Variants in HLCS observed in about 807,000 individuals in gnomAD.
HLCS encodes holocarboxylase synthetase, also known as biotin--protein ligase.
HLCS carries 53 observed loss-of-function variants against 75.0 expected under a neutral mutation model. That is an observed-to-expected ratio of 0.71 (90% CI 0.57 to 0.89). HLCS has a LOEUF of 0.89. Ranked by LOEUF, HLCS falls within the 40% of genes least tolerant of loss-of-function variation. HLCS has a pLI of 0.00. For missense variants in HLCS, 966 were observed against 1,074.0 expected (o/e 0.90, Z 1.41); for synonymous variants, 431 against 428.6 (o/e 1.01, Z -0.07).
At chr21:36,924,474 C>A (rs934091640) in intron 5 of HLCS, among the ~76,000 whole-genome samples, 3 of 152,108 alleles carry the variant, frequency 2.0e-5, no homozygotes, top group Admixed American at 2.0e-4. Context: ...GCAGGAGAAT[C>A]GCTTGAACCC....
At chr21:36,761,460 G>C (rs1601123416) in intron 8 of HLCS, among the ~76,000 whole-genome samples, 1 of 152,052 alleles carries the variant, frequency 6.6e-6, no homozygotes, top group African/African-American at 2.4e-5. Flanking sequence ...AACCAAGCAT[G>C]GGGGGTGCGC....
intron 6 of HLCS, among the ~76,000 whole-genome samples, chr21:36,781,495 C>T (rs1434703914): frequency 6.6e-6 from 1 of 152,026 alleles, no homozygotes; most frequent in Admixed American, 6.6e-5. Context: ...TTATTTGTTG[C>T]TATTATGAAT....
At chr21:36,953,681 G>A (rs2067776983) in intron 2 of HLCS, among the ~76,000 whole-genome samples, 1 of 152,050 alleles carries the variant, frequency 6.6e-6, no homozygotes, top group South Asian at 2.1e-4. Context: ...ATGCTAAAAA[G>A]GAACCTGAAC....
rs1479127824 is a variant in HLCS at position 36,936,536 on chromosome 21, G to A, written c.1350C>T (p.Leu450=). ...TGTCCTCATTCTCCAGGTGGCCCTG[G>A]AGCCTGCCGGGGCTGAGCCGGACGG... ...EGPVRLSPGR[L]QGHLENEDKD... Residue 450 remains leucine (L), a synonymous_variant, in exon 4 of 11, where the codon CTC becomes CTT. Transcript: ENST00000674895. The A allele has an allele frequency of 6.2e-7, 1 of 1,614,174 alleles. No individual in the cohort carries two copies. The highest frequency in any genetic ancestry group is 2.2e-5 in the East Asian group (1 of 44,884).
chr21:36,841,752 G>A (rs1317222715), intron 6 of HLCS, among the ~76,000 whole-genome samples: 1 of 152,240 alleles, frequency 6.6e-6, no homozygotes, highest in Non-Finnish European at 1.5e-5. Flanking sequence ...TAAGACGTGA[G>A]CTATGTTCCT....
chr21:36,888,805 C>T (rs1376742855), intron 6 of HLCS, among the ~76,000 whole-genome samples: 2 of 151,954 alleles, frequency 1.3e-5, no homozygotes. Flanking sequence ...GGTCACAGAG[C>T]TAGTGAATGA....
intron 6 of HLCS, among the ~76,000 whole-genome samples, chr21:36,816,099 T>A (rs766013176): frequency 6.6e-5 from 10 of 152,170 alleles, no homozygotes; most frequent in Non-Finnish European, 1.0e-4. Context: ...TCAGACTACT[T>A]GTGCTGAATT....
At chr21:36,833,188 A>T (rs547448661) in intron 6 of HLCS, among the ~76,000 whole-genome samples, 44 of 146,722 alleles carry the variant, frequency 3.0e-4, no homozygotes, top group African/African-American at 1.0e-3. Context: ...GCCTAGCTAA[A>T]TTTTTTTTTT....
At chr21:36,832,603 T>C (rs558865680) in intron 6 of HLCS, among the ~76,000 whole-genome samples, 4 of 152,274 alleles carry the variant, frequency 2.6e-5, no homozygotes, top group South Asian at 2.1e-4. Context: ...ACTTTACAGA[T>C]AGGGAAAATA....
intron 4 of HLCS, among the ~76,000 whole-genome samples, chr21:36,934,167 C>G (rs368151853): frequency 5.2e-4 from 79 of 152,186 alleles, no homozygotes; most frequent in Middle Eastern, 6.8e-3. Context: ...ACCCTGTTAC[C>G]ATAATGACAG....
intron 6 of HLCS, among the ~76,000 whole-genome samples, chr21:36,782,784 CA>C (rs1253464122): frequency 6.6e-6 from 1 of 152,078 alleles, no homozygotes; most frequent in African/African-American, 2.4e-5. Context: ...ACGTGGCCAA[CA>C]TAGTGAAACC....
intron 7 of HLCS, among the ~76,000 whole-genome samples, chr21:36,765,586 G>A (rs1332297289): frequency 1.3e-5 from 2 of 152,298 alleles, no homozygotes; most frequent in East Asian, 1.9e-4. Flanking sequence ...TTGTGGCGAT[G>A]GTTGCTCAGC....
intron 6 of HLCS, among the ~76,000 whole-genome samples, chr21:36,862,939 TTCTC>T (rs962180385): frequency 4.2e-5 from 6 of 142,130 alleles, no homozygotes; most frequent in Admixed American, 6.9e-5. Context: ...TCATTTCTCT[TTCTC>T]TCTTTTTTTT....
At position 36,942,262 on chromosome 21, in the gene HLCS, G is replaced by A. The variant is rs527717147; in HGVS notation, c.331-3268C>T. On this transcript the variant is annotated intron_variant, in intron 2 of 10. Transcript: ENST00000674895. ...AAACCACAGATAGAGAAGCGTTAAA[G>A]ACCTCTTTTAGAAAAAGGAGAAACT... is the stretch of plus-strand genomic sequence containing the variant. Among the ~76,000 whole-genome samples, 17 of 152,066 alleles carry A rather than the reference G, an allele frequency of 1.1e-4. No individual in the cohort carries two copies. In the East Asian group the frequency reaches 2.5e-3, roughly 22 times the overall value.
chr21:36,837,588 A>C (rs904191016), intron 6 of HLCS, among the ~76,000 whole-genome samples: 2 of 152,216 alleles, frequency 1.3e-5, no homozygotes, highest in Non-Finnish European at 2.9e-5. Flanking sequence ...TAACTCTTTA[A>C]TATCAAACTC....
intron 6 of HLCS, among the ~76,000 whole-genome samples, chr21:36,827,657 G>T (rs1205719587): frequency 6.6e-6 from 1 of 151,318 alleles, no homozygotes; most frequent in African/African-American, 2.4e-5. Context: ...TCCTACAGCA[G>T]AAGGAAACTC....
intron 8 of HLCS, among the ~76,000 whole-genome samples, chr21:36,761,847 C>T (rs569186613): frequency 4.1e-4 from 62 of 152,290 alleles, no homozygotes; most frequent in African/African-American, 1.5e-3. Flanking sequence ...GCCTCGCCGG[C>T]GGGAGGACAC....
chr21:36,803,158 C>T (rs867677057), intron 6 of HLCS, among the ~76,000 whole-genome samples: 6 of 152,338 alleles, frequency 3.9e-5, no homozygotes, highest in Non-Finnish European at 5.9e-5. Context: ...AAGCCCAAGG[C>T]GTCACTGAGC....
intron 6 of HLCS, among the ~76,000 whole-genome samples, chr21:36,847,696 T>C (rs1270583432): frequency 6.6e-6 from 1 of 152,228 alleles, no homozygotes; most frequent in African/African-American, 2.4e-5. Context: ...CTTGCTGATA[T>C]GCCAAAAACG....
Sources: gnomAD v4.1 joint callset for allele counts (sites outside exome capture counted in the v4.1 genomes callset) on GRCh38, gnomAD v4.1.1 for gene constraint, MANE v1.5 for transcripts, NCBI Gene and HGNC (gene_info 2026-07-23, HGNC 2026-07-21) for gene names.